Variants in VAMP7 observed in about 807,000 individuals in gnomAD.
VAMP7 encodes vesicle associated membrane protein 7, also known as vesicle-associated membrane protein 7.
A neutral mutation model predicts 29.6 loss-of-function variants in VAMP7; 14 were observed. The observed-to-expected ratio is 0.47, with a 90% CI of 0.31 to 0.74. The LOEUF (loss-of-function observed/expected upper bound fraction) is 0.74, where lower values mean the gene tolerates loss of function less well. Among genes scored for constraint, VAMP7 ranks in the 30% least tolerant of loss-of-function variants. The pLI, the probability that VAMP7 is intolerant of heterozygous loss-of-function variation, is 0.05. For synonymous variants in VAMP7, 95 were observed against 88.1 expected, an observed-to-expected ratio of 1.08 and a Z score of -0.44; for missense variants, 223 against 262.4, an observed-to-expected ratio of 0.85 and a Z score of 1.04.
At chrX:155,899,557 C>G (rs952153939) in intron 4 of VAMP7, among the ~76,000 whole-genome samples, 5 of 151,678 alleles carry the variant, frequency 3.3e-5, no homozygotes, top group Non-Finnish European at 7.4e-5. Context: ...CACACACACA[C>G]GCACACACAT....
chrX:155,911,590 A>G (rs748825260), intron 5 of VAMP7, among the ~76,000 whole-genome samples: 39 of 152,106 alleles, frequency 2.6e-4, no homozygotes, highest in Middle Eastern at 3.4e-3. Flanking sequence ...TGACCATAAG[A>G]TGTCTTTCTG....
intron 2 of VAMP7, among the ~76,000 whole-genome samples, chrX:155,894,358 C>A (rs2065961361): frequency 6.7e-6 from 1 of 148,494 alleles, no homozygotes; most frequent in East Asian, 2.0e-4. Context: ...TCTGATCACA[C>A]CCTCCCTAGG....
At chrX:155,889,754 A>T in intron 2 of VAMP7, 142 bp downstream of exon 2, 1 of 841,668 alleles carries the variant, frequency 1.2e-6, no homozygotes, top group Non-Finnish European at 1.7e-6. Context: ...CAACTTAGAA[A>T]ATATATCTGG....
At chrX:155,902,390 A>C (rs1028800600) in intron 5 of VAMP7, among the ~76,000 whole-genome samples, 7 of 150,270 alleles carry the variant, frequency 4.7e-5, no homozygotes, top group Admixed American at 2.0e-4. Context: ...CCCTGGCCAG[A>C]ACTTCCAACA....
At chrX:155,934,159 A>G (rs2066610523) in intron 6 of VAMP7, among the ~76,000 whole-genome samples, 1 of 152,196 alleles carries the variant, frequency 6.6e-6, no homozygotes, top group Admixed American at 6.5e-5. Context: ...TGTGGTGCTG[A>G]GAAGAATGTA....
intron 5 of VAMP7, among the ~76,000 whole-genome samples, chrX:155,903,169 AG>A (rs1278119040): frequency 6.6e-6 from 1 of 152,148 alleles, no homozygotes; most frequent in Non-Finnish European, 1.5e-5. Context: ...AGGTGTTTGT[AG>A]TATTCTCTGA....
At chrX:155,887,798 G>C (rs140507064) in intron 1 of VAMP7, among the ~76,000 whole-genome samples, 1 of 151,960 alleles carries the variant, frequency 6.6e-6, no homozygotes, top group Non-Finnish European at 1.5e-5. Context: ...GGACATGGTG[G>C]CACACACCTG....
In VAMP7 at chrX:155,942,115, C is replaced by G; in HGVS notation, c.*164C>G. 6.4e-7 allele frequency: 1 copy of G among 1,552,760 alleles called. No homozygotes were observed. The highest frequency in any genetic ancestry group is 1.2e-5 in the South Asian group (1 of 84,274). On this transcript the variant is annotated 3_prime_UTR_variant, in exon 8 of 8. Transcript: ENST00000286448. Reference sequence around the variant, plus strand: ...TCCATGCCTCCAGGTTTATCTTTGTCTTATCTACCAGTTTATTCCTGTGAA... The same window carrying G: ...TCCATGCCTCCAGGTTTATCTTTGTGTTATCTACCAGTTTATTCCTGTGAA...
intron 6 of VAMP7, among the ~76,000 whole-genome samples, chrX:155,934,137 G>T (rs2066609928): frequency 6.6e-6 from 1 of 152,134 alleles, no homozygotes; most frequent in Non-Finnish European, 1.5e-5. Context: ...GTCAATTTTG[G>T]AATAAGTGCG....
Position 155,927,725 on chromosome X carries a change from ACTTT to A in VAMP7, c.501+7850_501+7853del, listed in dbSNP as rs766004940. Among the ~76,000 whole-genome samples, 16 of 145,034 alleles carry A rather than the reference ACTTT, an allele frequency of 1.1e-4. No homozygotes were observed. In the East Asian group the frequency reaches 2.8e-3, roughly 26 times the overall value. The stretch of plus-strand genomic sequence containing the variant: ...CTGTTTCATCATTTTTTTAAAGAAT[ACTTT>A]CTTTGCATAGAGTTTTTTAGTTTTT... On this transcript the variant is annotated intron_variant, in intron 6 of 7. Coordinates refer to ENST00000286448, the MANE Select transcript of VAMP7 (RefSeq NM_005638.6).
chrX:155,889,640 G>T, intron 2 of VAMP7, 28 bp downstream of exon 2: 1 of 1,611,466 alleles, frequency 6.2e-7, no homozygotes, highest in Non-Finnish European at 8.5e-7. Context: ...TGTGGTAAGG[G>T]ATGAAAGAAG....
chrX:155,887,111 C>T lies in VAMP7; in HGVS notation c.-9-2347C>T, dbSNP rs184764880. Among the ~76,000 whole-genome samples, 1,045 of 152,280 alleles carry T rather than the reference C, an allele frequency of 6.9e-3. 5 individuals carry two copies. Among genetic ancestry groups the T allele is most frequent in the Middle Eastern group, 0.014 (4 of 294 alleles). ...AGTCTTCATTCTCTTTCTTTCCTTT[C>T]GGCTTCTGGGCCACCACACTTTTGG... On this transcript the variant is annotated intron_variant, in intron 1 of 7. Transcript: ENST00000286448.
chrX:155,925,662 G>T (rs916537454), intron 6 of VAMP7, among the ~76,000 whole-genome samples: 1 of 152,208 alleles, frequency 6.6e-6, no homozygotes, highest in Non-Finnish European at 1.5e-5. Context: ...GCTCGAAGTG[G>T]GGAGGGGGCC....
chrX:155,930,937 A>G lies in VAMP7; in HGVS notation c.502-8764A>G, dbSNP rs1467170353. Among the ~76,000 whole-genome samples, 10 of 151,834 alleles carry G rather than the reference A, an allele frequency of 6.6e-5. No homozygotes were observed. In the East Asian group the frequency reaches 1.6e-3, roughly 24 times the overall value. ...CAGGTGTTCTCATTGTTCAGTTCCCACCTATGAGTGAGAACATGTGGTGTT... is the reference window on the plus strand; with the variant it reads ...CAGGTGTTCTCATTGTTCAGTTCCCGCCTATGAGTGAGAACATGTGGTGTT... On this transcript the variant is annotated intron_variant, in intron 6 of 7. Transcript: ENST00000286448.
In VAMP7 at chrX:155,889,597, C is replaced by A. The variant is rs766838352; in HGVS notation, c.131C>A (p.Thr44Lys). 3 of 1,613,714 alleles carry A rather than the reference C, an allele frequency of 1.9e-6. No homozygotes were observed. Among genetic ancestry groups the A allele is most frequent in the Non-Finnish European group, 2.5e-6 (3 of 1,179,834 alleles). Residue 44 changes from threonine to lysine, a missense_variant, in exon 2 of 8, where the codon ACG becomes AAG. Transcript: ENST00000286448. ...ATACCTTCTGAAAATAACAAACTAACGTACTCACATGGCAAGTGAGTTCTG... is the reference window on the plus strand; with the variant it reads ...ATACCTTCTGAAAATAACAAACTAAAGTACTCACATGGCAAGTGAGTTCTG... ...AKIPSENNKL[T>K]YSHGNYLFHY...
intron 6 of VAMP7, among the ~76,000 whole-genome samples, chrX:155,925,474 G>A (rs1391759278): frequency 6.6e-6 from 1 of 152,196 alleles, no homozygotes; most frequent in Non-Finnish European, 1.5e-5. Context: ...TTTTGCCAAA[G>A]TTGAGAGCGC....
chrX:155,900,677 G>C (rs1158932541), intron 5 of VAMP7, 90 bp downstream of exon 5: 1 of 1,097,390 alleles, frequency 9.1e-7, no homozygotes, highest in African/African-American at 1.6e-5. Flanking sequence ...AGCCAAAATA[G>C]CACTTCCTTA....
intron 6 of VAMP7, among the ~76,000 whole-genome samples, chrX:155,934,945 T>C (rs1222048455): frequency 1.9e-4 from 29 of 152,256 alleles, no homozygotes; most frequent in Non-Finnish European, 2.4e-4. Context: ...GATTTTATTT[T>C]TCCTTCACCT....
intron 5 of VAMP7, among the ~76,000 whole-genome samples, chrX:155,908,992 G>GT (rs1264685608): frequency 6.6e-6 from 1 of 151,764 alleles, no homozygotes. Context: ...GCTAATTTTT[G>GT]TTTTTTGGTT....
Sources: gnomAD v4.1 joint callset for allele counts (sites outside exome capture counted in the v4.1 genomes callset) on GRCh38, gnomAD v4.1.1 for gene constraint, MANE v1.5 for transcripts, NCBI Gene and HGNC (gene_info 2026-07-23, HGNC 2026-07-21) for gene names.